Variants in STAC2 observed in about 807,000 individuals in gnomAD.
STAC2 encodes SH3 and cysteine-rich domain-containing protein 2.
In STAC2, 36 loss-of-function variants were observed where a neutral mutation model predicts 49.0. That is an observed-to-expected ratio of 0.74 (90% CI 0.56 to 0.97). STAC2 has a LOEUF of 0.97. STAC2 is among the 50% of genes least tolerant of loss of function. The pLI, the probability that STAC2 is intolerant of heterozygous loss-of-function variation, is 0.00. For synonymous variants in STAC2, 239 were observed against 214.7 expected (o/e 1.11, Z -0.99); for missense variants, 527 against 543.8 (o/e 0.97, Z 0.31).
At chr17:39,216,321 C>T (rs1032704688) in intron 4 of STAC2, among the ~76,000 whole-genome samples, 1 of 152,206 alleles carries the variant, frequency 6.6e-6, no homozygotes, top group East Asian at 1.9e-4. Flanking sequence ...ATCTTCCCCA[C>T]TTAAGGCGCT....
In STAC2 at chr17:39,213,087, G is replaced by T; in HGVS notation, c.1039C>A (p.Gln347Lys). The part of the protein sequence containing the change: ...RVGFFPANFV[Q>K]RVRPGENVWR... ...ACATTCTCGCCTGGCCTCACCCGTT[G>T]CACAAAATTAGCTGGGAAGAAGCCA... The change falls in exon 10 of 11, where the codon CAA (glutamine) becomes AAA (lysine). Residue 347 changes from glutamine (Q) to lysine (K), a missense_variant. Gln to Lys is a moderately conservative substitution (Grantham distance 53, BLOSUM62 1). Transcript: ENST00000333461. 1 of 1,612,872 alleles carries T rather than the reference G, an allele frequency of 6.2e-7. No homozygotes were observed.
intron 7 of STAC2, among the ~76,000 whole-genome samples, 170 bp downstream of exon 7, chr17:39,214,621 C>T (rs930235885): frequency 1.3e-5 from 2 of 152,140 alleles, no homozygotes; most frequent in Admixed American, 1.3e-4. Context: ...GAGGGTAACT[C>T]CTCCTGCCTC....
In STAC2 at chr17:39,225,372, C is replaced by T. The variant is rs2046502225; in HGVS notation, c.90+41G>A. 5 of 1,544,644 alleles carry T rather than the reference C, an allele frequency of 3.2e-6. No homozygotes were observed. Among genetic ancestry groups the T allele is most frequent in the Non-Finnish European group, 3.5e-6 (4 of 1,149,650 alleles). On this transcript the variant is annotated intron_variant, in intron 1 of 10. Coordinates refer to ENST00000333461, the MANE Select transcript of STAC2 (RefSeq NM_198993.5). This position sits in a 1 kb window ranked among gnomAD's most constrained non-coding sequence, Gnocchi z 8.2. ...AGGACCCCGCCGGGAAGAGGGCGCC[C>T]GGGCCCGGGGCGCGGACAGGCCTTG...
At chr17:39,216,937 C>T in intron 3 of STAC2, 37 bp from the exon 4 acceptor site, 1 of 1,583,406 alleles carries the variant, frequency 6.3e-7, no homozygotes, top group Non-Finnish European at 8.6e-7. Flanking sequence ...TTGAGGAGGT[C>T]ATGGCCTATG....
chr17:39,212,276 G>C lies in STAC2; in HGVS notation c.*16C>G, dbSNP rs1266092770. 1 of 1,592,140 alleles carries C rather than the reference G, an allele frequency of 6.3e-7. No individual in the cohort carries two copies. The highest frequency in any genetic ancestry group is 8.6e-7 in the Non-Finnish European group (1 of 1,165,260). ...AGGCATGGGCAAGGGTGTCATCTGG[G>C]TTCCCTTGGCTCCTCTCAGATCTCA... On this transcript the variant is annotated 3_prime_UTR_variant, in exon 11 of 11. Transcript: ENST00000333461.
At chr17:39,220,078 T>C (rs1190092047) in intron 1 of STAC2, among the ~76,000 whole-genome samples, 1 of 152,204 alleles carries the variant, frequency 6.6e-6, no homozygotes, top group African/African-American at 2.4e-5. Flanking sequence ...CCCTGGGGTG[T>C]CTGGCACACT....
intron 2 of STAC2, among the ~76,000 whole-genome samples, 160 bp from the exon 3 acceptor site, chr17:39,217,333 A>G (rs1345062636): frequency 6.6e-6 from 1 of 152,192 alleles, no homozygotes; most frequent in Non-Finnish European, 1.5e-5. Flanking sequence ...GGGAGCACGG[A>G]AGCCAGAGTC....
rs773441181 is a variant in STAC2, at chr17:39,217,956, G to A, written c.308C>T (p.Ala103Val). The change falls in exon 2 of 11, where the codon GCA (alanine) becomes GTA (valine). Residue 103 changes from alanine to valine, a missense_variant. By Grantham distance (64) the Ala-to-Val change is moderately conservative. Transcript: ENST00000333461. ...GTGCAGCCTCACTGGTTTGAGCGCT[G>A]CCAGGGGGCGTGGGACTGGGCATGG... is the stretch of plus-strand genomic sequence containing the variant. The part of the protein sequence containing the change: ...PSPCPVPRPL[A>V]ALKPVRLHSF... The A allele has an allele frequency of 1.9e-6, 3 of 1,596,352 alleles. No homozygotes were observed. The Admixed American group carries it at 5.2e-5, about 28-fold the overall frequency.
chr17:39,215,332 C>A, intron 4 of STAC2, 102 bp from the exon 5 acceptor site: 1 of 1,162,178 alleles, frequency 8.6e-7, no homozygotes, highest in Non-Finnish European at 1.3e-6. Flanking sequence ...TGCCCCCTCA[C>A]CTGTCCCTCC....
chr17:39,216,949 A>T, intron 3 of STAC2, 49 bp from the exon 4 acceptor site: 1 of 1,581,884 alleles, frequency 6.3e-7, no homozygotes, highest in East Asian at 2.3e-5. Context: ...TGGCCTATGG[A>T]GAACTTGGTC....
At chr17:39,218,475 G>T (rs922614732) in intron 1 of STAC2, among the ~76,000 whole-genome samples, 3 of 152,236 alleles carry the variant, frequency 2.0e-5, no homozygotes, top group Non-Finnish European at 4.4e-5. Context: ...GGGAGTAGCT[G>T]CAGGTCTCCT....
In STAC2 at chr17:39,225,613, C is replaced by T; in HGVS notation, c.-111G>A. 2 of 1,046,826 alleles carry T rather than the reference C, an allele frequency of 1.9e-6. No individual in the cohort carries two copies. The highest frequency in any genetic ancestry group is 2.7e-5 in the East Asian group (1 of 37,688). The allele number at this position is 1,046,826 out of a possible 1,614,324, so 64.8% of individuals were successfully genotyped here. A position where few individuals can be genotyped will look rare whatever the true frequency, so the allele number is the denominator to read the frequency against. ...CTCTGAAGCCGTTCTCCAGAGGCTGCCCCCAGTTAGCCCCCGGCACGGCAG... is the reference window on the plus strand; with the variant it reads ...CTCTGAAGCCGTTCTCCAGAGGCTGTCCCCAGTTAGCCCCCGGCACGGCAG... On this transcript the variant is annotated 5_prime_UTR_variant, in exon 1 of 11. Transcript: ENST00000333461. The surrounding 1 kb of genome is among the most constrained non-coding windows in gnomAD (Gnocchi z 8.2).
Position 39,225,345 on chromosome 17 carries a change from G to T in STAC2, c.90+68C>A. 7.1e-7 allele frequency: 1 copy of T among 1,406,064 alleles called. No individual in the cohort carries two copies. The allele number at this position is 1,406,064 out of a possible 1,614,324, so 87.1% of individuals were successfully genotyped here. On this transcript the variant is annotated intron_variant, in intron 1 of 10. Coordinates refer to ENST00000333461, the MANE Select transcript of STAC2 (RefSeq NM_198993.5). This position sits in a 1 kb window ranked among gnomAD's most constrained non-coding sequence, Gnocchi z 8.2. ...CGACCCTAGGACGCCCGGGCCCACA[G>T]GAGGACCCCGCCGGGAAGAGGGCGC... is the stretch of plus-strand genomic sequence containing the variant.
intron 1 of STAC2, among the ~76,000 whole-genome samples, chr17:39,220,937 C>G (rs2046456288): frequency 6.6e-6 from 1 of 151,744 alleles, no homozygotes; most frequent in African/African-American, 2.4e-5. Context: ...GCTAGGACTA[C>G]AGGCGCCCGC....
chr17:39,215,130 C>T lies in STAC2; in HGVS notation c.687G>A (p.Pro229=), dbSNP rs773006445. ...TTGCCCACCATACCAGGCTCCTTGT[C>T]GGGGACTCAGAGGTGCTGCTGAAAC... ...RSSFSSTSES[P]TRSLSERDEL... Residue 229 remains proline, a synonymous_variant, in exon 5 of 11, where the codon CCG becomes CCA. Transcript: ENST00000333461. 8 of 1,614,020 alleles carry T rather than the reference C, an allele frequency of 5.0e-6. No individual in the cohort carries two copies. Among genetic ancestry groups the T allele is most frequent in the South Asian group, 1.1e-5 (1 of 91,082 alleles).
In STAC2 at chr17:39,213,130, G is replaced by A. The variant is rs531399526; in HGVS notation, c.996C>T (p.Gly332=). 6.2e-7 allele frequency: 1 copy of A among 1,606,914 alleles called. No individual in the cohort carries two copies. The highest frequency in any genetic ancestry group is 1.3e-5 in the African/African-American group (1 of 75,048). The part of the protein sequence containing the change: ...VDDSNEDWWK[G]KIGDRVGFFP... ...AGAAGCCAACCCGGTCGCCGATCTT[G>A]CCCTGGGGATGAGGTTGGCAATGAA... The change falls in exon 10 of 11, where the codon GGC becomes GGT. Residue 332 remains glycine (G), a splice_region_variant and synonymous_variant. Coordinates refer to ENST00000333461, the MANE Select transcript of STAC2 (RefSeq NM_198993.5).
At chr17:39,216,049 C>T (rs2046399175) in intron 4 of STAC2, among the ~76,000 whole-genome samples, 1 of 152,210 alleles carries the variant, frequency 6.6e-6, no homozygotes. Flanking sequence ...CTGCCCCACA[C>T]CAGTCTTTCC....
rs201782514 is a variant in STAC2, at chr17:39,225,392, G to A, written c.90+21C>T. On this transcript the variant is annotated intron_variant, in intron 1 of 10. Transcript: ENST00000333461. This position sits in a 1 kb window ranked among gnomAD's most constrained non-coding sequence, Gnocchi z 8.2. ...GCGCCCGGGCCCGGGGCGCGGACAG[G>A]CCTTGCGCCCCCCAAGTTACCTTGG... The A allele has an allele frequency of 9.2e-5, 146 of 1,590,272 alleles. 2 individuals carry two copies. Among genetic ancestry groups the A allele is most frequent in the Non-Finnish European group, 6.8e-5 (80 of 1,171,960 alleles).
chr17:39,218,894 C>T lies in STAC2; in HGVS notation c.91-721G>A, dbSNP rs536870119. On this transcript the variant is annotated intron_variant, in intron 1 of 10. Coordinates refer to ENST00000333461, the MANE Select transcript of STAC2 (RefSeq NM_198993.5). ...GTATCCACCTGTGTTCTCGAACAGG[C>T]TGGTGGGGGGTGAGGAGTGGTCGTC... Among the ~76,000 whole-genome samples, 3 of 152,222 alleles carry T rather than the reference C, an allele frequency of 2.0e-5. No individual in the cohort carries two copies. The East Asian group carries it at 5.8e-4, about 29-fold the overall frequency.
Sources: allele counts gnomAD v4.1 joint callset (sites outside exome capture counted in the v4.1 genomes callset), GRCh38; gene constraint gnomAD v4.1.1; non-coding constraint Gnocchi (gnomAD v3.1); transcripts MANE v1.5; gene names NCBI Gene and HGNC (gene_info 2026-07-23, HGNC 2026-07-21).